The following PLCB1 variants were observed in gnomAD, a reference collection of about 807,000 sequenced individuals.
PLCB1 encodes the protein 1-phosphatidylinositol 4,5-bisphosphate phosphodiesterase beta-1.
Under a neutral mutation model 161.8 loss-of-function variants are expected in PLCB1, and 46 were observed. That is an observed-to-expected ratio of 0.28 (90% CI 0.22 to 0.36). PLCB1 has a LOEUF of 0.36. Ranked by LOEUF, PLCB1 falls within the 10% of genes least tolerant of loss-of-function variation. The pLI is 1.00. For missense variants in PLCB1, 1,016 were observed against 1,472.5 expected (o/e 0.69, Z 5.07); for synonymous variants, 517 against 503.7 (o/e 1.03, Z -0.35).
chr20:8,760,135 C>T (rs1187593099), intron 24 of PLCB1, among the ~76,000 whole-genome samples: 14 of 152,002 alleles, frequency 9.2e-5, no homozygotes, highest in Non-Finnish European at 5.9e-5. Context: ...GAACTCCTGA[C>T]CTCAAGTGAT....
chr20:8,874,267 G>A (rs1987706314), intron 31 of PLCB1, among the ~76,000 whole-genome samples: 1 of 147,298 alleles, frequency 6.8e-6, no homozygotes, highest in Non-Finnish European at 1.5e-5. Flanking sequence ...CACAACAGAT[G>A]CTCCCAGAGA....
intron 3 of PLCB1, among the ~76,000 whole-genome samples, chr20:8,620,747 C>CA (rs779029928): frequency 0.041 from 3,063 of 74,848 alleles, 76 homozygotes; most frequent in African/African-American, 0.093. Context: ...CTGCCCCCAC[C>CA]AAAAAAAAAA....
chr20:8,681,562 T>A (rs1040961534), intron 9 of PLCB1, among the ~76,000 whole-genome samples: 1 of 152,200 alleles, frequency 6.6e-6, no homozygotes, highest in Non-Finnish European at 1.5e-5. Context: ...GTTATTTTAT[T>A]GCTATGATAT....
intron 2 of PLCB1, among the ~76,000 whole-genome samples, chr20:8,293,636 G>C (rs886250886): frequency 7.9e-5 from 12 of 151,426 alleles, no homozygotes; most frequent in African/African-American, 2.7e-4. Flanking sequence ...CATTGCTTTT[G>C]TATAAAGTGC....
rs536599366 is a variant in PLCB1 at position 8,810,905 on chromosome 20, G to A, written c.3423+20644G>A. On this transcript the variant is annotated intron_variant, in intron 31 of 31. Coordinates refer to ENST00000338037, the MANE Select transcript of PLCB1 (RefSeq NM_015192.4). ...TGCTTGAACCTGCGAGGTCAAGGCC[G>A]CAGTGAGCCAAGATCGCACTACTGC... 3.9e-5 allele frequency among the ~76,000 whole-genome samples: 6 copies of A among 152,320 alleles called. No homozygotes were observed. The East Asian group carries it at 7.7e-4, about 20-fold the overall frequency.
rs1984947541 is a variant in PLCB1 at position 8,534,137 on chromosome 20, C to T, written c.247-94157C>T. Among the ~76,000 whole-genome samples, 3 of 152,182 alleles carry T rather than the reference C, an allele frequency of 2.0e-5. No homozygotes were observed. The South Asian group carries it at 6.2e-4, about 32-fold the overall frequency. On this transcript the variant is annotated intron_variant, in intron 3 of 31. Coordinates refer to ENST00000338037, the MANE Select transcript of PLCB1 (RefSeq NM_015192.4). ...TTTATTTTTGAGACAGGATCTCACT[C>T]TGTCATCCATGCTGCTGTGCAGTGG...
In PLCB1 at chr20:8,325,429, A is replaced by C. The variant is rs374563736; in HGVS notation, c.178-45953A>C. On this transcript the variant is annotated intron_variant, in intron 2 of 31. Transcript: ENST00000338037. The stretch of plus-strand genomic sequence containing the variant: ...AGCAACATTTGTTTGGGAGAGATAC[A>C]CTGTCCCTGAACTTGGCCTACTATG... Among the ~76,000 whole-genome samples the C allele has an allele frequency of 5.3e-5, 8 of 152,190 alleles. No homozygotes were observed. In the East Asian group the frequency reaches 1.2e-3, roughly 22 times the overall value.
intron 2 of PLCB1, among the ~76,000 whole-genome samples, chr20:8,323,910 G>C (rs909227200): frequency 1.3e-5 from 2 of 151,370 alleles, no homozygotes; most frequent in Non-Finnish European, 1.5e-5. Flanking sequence ...TTATAATATA[G>C]TGATGCTTTT....
At chr20:8,708,938 G>A (rs564647034) in intron 12 of PLCB1, among the ~76,000 whole-genome samples, 186 bp downstream of exon 12, 41 of 152,254 alleles carry the variant, frequency 2.7e-4, no homozygotes, top group Middle Eastern at 3.4e-3. Context: ...AAAATTATCC[G>A]TTGGACTTGT....
chr20:8,641,907 GCAGTTTGTC>G (rs1988968713), intron 4 of PLCB1, among the ~76,000 whole-genome samples: 1 of 152,116 alleles, frequency 6.6e-6, no homozygotes, highest in South Asian at 2.1e-4. Context: ...TTTTTTGGCT[GCAGTTTGTC>G]CAGTTTTTCC....
chr20:8,569,700 A>G (rs2123046435), intron 3 of PLCB1, among the ~76,000 whole-genome samples: 1 of 152,358 alleles, frequency 6.6e-6, no homozygotes, highest in South Asian at 2.1e-4. Flanking sequence ...TAAGGTAAGT[A>G]TTAGCATGAA....
intron 3 of PLCB1, among the ~76,000 whole-genome samples, chr20:8,589,359 A>G (rs1987079497): frequency 6.6e-6 from 1 of 152,140 alleles, no homozygotes; most frequent in Non-Finnish European, 1.5e-5. Flanking sequence ...AAAATTCAGC[A>G]TCTTGTGGGG....
intron 3 of PLCB1, among the ~76,000 whole-genome samples, chr20:8,483,842 T>C (rs749068384): frequency 2.0e-5 from 3 of 152,124 alleles, no homozygotes; most frequent in South Asian, 4.1e-4. Flanking sequence ...GGACACAAAG[T>C]ATATAGGCAG....
intron 2 of PLCB1, among the ~76,000 whole-genome samples, chr20:8,166,591 G>A (rs980310836): frequency 8.5e-5 from 13 of 152,156 alleles, no homozygotes; most frequent in South Asian, 4.2e-4. Flanking sequence ...CTGAGATACC[G>A]GAAAGCAAAC....
chr20:8,823,124 T>G (rs1166676667), intron 31 of PLCB1, among the ~76,000 whole-genome samples: 1 of 150,222 alleles, frequency 6.7e-6, no homozygotes, highest in Non-Finnish European at 1.5e-5. Context: ...ACACCCCTTT[T>G]TTGTTTTTTG....
At position 8,333,215 on chromosome 20, in the gene PLCB1, T is replaced by C. The variant is rs78079059; in HGVS notation, c.178-38167T>C. ...AGACATTGGAGCCTGAGTTCCTCAA[T>C]AATCACCTGCAGGAAAGCCATCTGA... is the stretch of plus-strand genomic sequence containing the variant. On this transcript the variant is annotated intron_variant, in intron 2 of 31. Coordinates refer to ENST00000338037, the MANE Select transcript of PLCB1 (RefSeq NM_015192.4). 9.2e-5 allele frequency among the ~76,000 whole-genome samples: 14 copies of C among 152,306 alleles called. No homozygotes were observed. In the East Asian group the frequency reaches 2.7e-3, roughly 29 times the overall value.
intron 3 of PLCB1, among the ~76,000 whole-genome samples, chr20:8,375,414 G>T (rs540897597): frequency 3.3e-4 from 51 of 152,296 alleles, no homozygotes; most frequent in African/African-American, 1.0e-3. Flanking sequence ...GATCCATTCA[G>T]TGGCTCATGT....
intron 3 of PLCB1, among the ~76,000 whole-genome samples, chr20:8,619,791 T>C (rs1988128554): frequency 6.6e-6 from 1 of 152,158 alleles, no homozygotes; most frequent in Non-Finnish European, 1.5e-5. Flanking sequence ...AAAGTGCAAA[T>C]GTTTAGAATA....
At chr20:8,488,426 C>G (rs1982817202) in intron 3 of PLCB1, among the ~76,000 whole-genome samples, 1 of 152,156 alleles carries the variant, frequency 6.6e-6, no homozygotes. Flanking sequence ...AAATGCATTC[C>G]CTTAATAAAT....
Sources: allele counts gnomAD v4.1 joint callset (sites outside exome capture counted in the v4.1 genomes callset), GRCh38; gene constraint gnomAD v4.1.1; transcripts MANE v1.5; gene names NCBI Gene and HGNC (gene_info 2026-07-23, HGNC 2026-07-21).